The following UBAP2 variants were observed in gnomAD, a reference collection of about 807,000 sequenced individuals.
UBAP2 encodes ubiquitin associated protein 2.
Under a neutral mutation model 139.6 loss-of-function variants are expected in UBAP2, and 75 were observed. That is an observed-to-expected ratio of 0.54 (90% CI 0.45 to 0.65). The LOEUF (loss-of-function observed/expected upper bound fraction) is 0.65. UBAP2 is among the 30% of genes least tolerant of loss of function. The pLI is 0.00. For synonymous variants in UBAP2, 526 were observed against 526.2 expected (o/e 1.00, Z 0.01); for missense variants, 1,368 against 1,369.6 (o/e 1.00, Z 0.02).
At chr9:33,986,685 T>C in intron 6 of UBAP2, 75 bp downstream of exon 6, 1 of 1,221,644 alleles carries the variant, frequency 8.2e-7, no homozygotes, top group East Asian at 2.3e-5. Flanking sequence ...CCATCCCTAG[T>C]CACAGTCCAG....
In UBAP2 at chr9:33,963,803, T is replaced by C; in HGVS notation, c.680-12A>G. The C allele has an allele frequency of 2.5e-6, 4 of 1,604,208 alleles. No homozygotes were observed. Among genetic ancestry groups the C allele is most frequent in the Non-Finnish European group, 2.6e-6 (3 of 1,171,406 alleles). On this transcript the variant is annotated splice_polypyrimidine_tract_variant and intron_variant, in intron 8 of 28. Transcript: ENST00000379238. ...ATTTGATGCCAGTTCTGTGGACCAATGTAAAATTGAGGGTTTAAACATATG... is the reference window on the plus strand; with the variant it reads ...ATTTGATGCCAGTTCTGTGGACCAACGTAAAATTGAGGGTTTAAACATATG...
chr9:34,024,028 A>G (rs1163832485), intron 1 of UBAP2, among the ~76,000 whole-genome samples: 1 of 147,012 alleles, frequency 6.8e-6, no homozygotes, highest in East Asian at 2.0e-4. Flanking sequence ...CGGGTGACAG[A>G]GCAAGACTCT....
At position 33,943,472 on chromosome 9, in the gene UBAP2, T is replaced by C. The variant is rs373590717; in HGVS notation, c.1663A>G (p.Ser555Gly). 8.7e-5 allele frequency: 141 copies of C among 1,614,242 alleles called. No homozygotes were observed. The African/African-American group carries it at 1.7e-3, about 20-fold the overall frequency. Residue 555 changes from serine to glycine, a missense_variant, in exon 15 of 29, where the codon AGC (serine) becomes GGC (glycine). By Grantham distance (56) the Ser-to-Gly change is moderately conservative. Transcript: ENST00000379238. ...PSLSEFGSAP[S>G]SENSNQIPIS... ...GGAATCTGATTACTATTTTCACTGC[T>C]TGGAGCTGATCCAAATTCAGAGAGA...
chr9:33,935,585 A>G, intron 17 of UBAP2: 1 of 529,272 alleles, frequency 1.9e-6, no homozygotes, highest in Non-Finnish European at 3.3e-6. Context: ...TTTAAAATGC[A>G]TACTGTATGC....
At chr9:34,011,199 T>C (rs1424761314) in intron 2 of UBAP2, among the ~76,000 whole-genome samples, 4 of 152,186 alleles carry the variant, frequency 2.6e-5, no homozygotes, top group East Asian at 1.9e-4. Flanking sequence ...CTGGGGCTTA[T>C]ATATGTTTCT....
chr9:34,021,659 A>G (rs148809531), intron 1 of UBAP2, among the ~76,000 whole-genome samples: 2,335 of 139,546 alleles, frequency 0.017, 51 homozygotes, highest in African/African-American at 0.06. Context: ...TTTGAGACGG[A>G]GGCTCGCTCC....
Position 33,927,794 on chromosome 9 carries a change from T to C in UBAP2, c.2371+3A>G. 6.2e-7 allele frequency: 1 copy of C among 1,606,896 alleles called. No homozygotes were observed. Among genetic ancestry groups the C allele is most frequent in the Non-Finnish European group, 8.5e-7 (1 of 1,177,124 alleles). ...GGGCAGGAAAGGCCTCTGGAGCAAA[T>C]ACCTGAGGTCACCAAGGGCGCGGCC... On this transcript the variant is annotated splice_donor_region_variant and intron_variant, in intron 20 of 28. Coordinates refer to ENST00000379238, the MANE Select transcript of UBAP2 (RefSeq NM_001370062.2).
intron 16 of UBAP2, among the ~76,000 whole-genome samples, chr9:33,938,238 C>A (rs961955811): frequency 6.6e-6 from 1 of 152,062 alleles, no homozygotes; most frequent in Non-Finnish European, 1.5e-5. Context: ...AAGTGATCCA[C>A]CTGCCTCAGT....
chr9:33,928,859 A>C (rs1823717719), intron 19 of UBAP2: 1 of 152,386 alleles, frequency 6.6e-6, no homozygotes, highest in Admixed American at 6.5e-5. Context: ...AAGCCAAAGA[A>C]CGGGAAGGGC....
chr9:33,935,165 G>GC (rs1491201557), intron 17 of UBAP2, among the ~76,000 whole-genome samples: 4 of 34,946 alleles, frequency 1.1e-4, no homozygotes, highest in African/African-American at 1.8e-4. Flanking sequence ...GGAAGTGGCG[G>GC]GGGGGGGGGG....
chr9:33,982,251 A>AT (rs1360984607), intron 6 of UBAP2, among the ~76,000 whole-genome samples: 2 of 152,156 alleles, frequency 1.3e-5, no homozygotes, highest in Non-Finnish European at 2.9e-5. Flanking sequence ...TTCAACCCAA[A>AT]TCCTTTGCAA....
chr9:33,960,796 G>C (rs780567035), intron 10 of UBAP2, 30 bp downstream of exon 10: 9 of 1,428,132 alleles, frequency 6.3e-6, no homozygotes, highest in African/African-American at 5.8e-5. Context: ...AAAAAAAAAA[G>C]AAAGGTCTCA....
At chr9:33,975,326 G>A (rs939415049) in intron 6 of UBAP2, among the ~76,000 whole-genome samples, 18 of 151,852 alleles carry the variant, frequency 1.2e-4, no homozygotes, top group Non-Finnish European at 2.5e-4. Context: ...CAGCTACCTG[G>A]GAGGCTGAGG....
At chr9:33,948,697 CAT>C in intron 12 of UBAP2, 110 bp from the exon 13 acceptor site, 1 of 819,158 alleles carries the variant, frequency 1.2e-6, no homozygotes, top group Non-Finnish European at 1.9e-6. Flanking sequence ...TAATCTAAAA[CAT>C]ATGAATTACT....
rs769142062 is a variant in UBAP2, at chr9:33,932,632, G to A, written c.2109-4C>T. On this transcript the variant is annotated splice_region_variant and splice_polypyrimidine_tract_variant and intron_variant, in intron 18 of 28. Transcript: ENST00000379238. ...GCTCTGGTGGCTGGAGAGCGAACTAGAAGACAAAACAGAGCGCCGTATGTC... is the reference window on the plus strand; with the variant it reads ...GCTCTGGTGGCTGGAGAGCGAACTAAAAGACAAAACAGAGCGCCGTATGTC... 1.9e-6 allele frequency: 3 copies of A among 1,613,934 alleles called. No individual in the cohort carries two copies. Among genetic ancestry groups the A allele is most frequent in the Non-Finnish European group, 8.5e-7 (1 of 1,179,984 alleles).
At chr9:33,977,401 T>C (rs878862435) in intron 6 of UBAP2, among the ~76,000 whole-genome samples, 1 of 152,118 alleles carries the variant, frequency 6.6e-6, no homozygotes, top group African/African-American at 2.4e-5. Context: ...AGCAAGATAA[T>C]AGAATTATTG....
At chr9:33,997,507 C>T (rs1248659853) in intron 3 of UBAP2, 1 of 152,152 alleles carries the variant, frequency 6.6e-6, no homozygotes, top group African/African-American at 2.4e-5. Flanking sequence ...ATTTGGCCTC[C>T]CTGCTTTCAT....
At chr9:33,962,472 C>A (rs926192467) in intron 9 of UBAP2, among the ~76,000 whole-genome samples, 3 of 151,508 alleles carry the variant, frequency 2.0e-5, no homozygotes, top group Non-Finnish European at 4.4e-5. Context: ...ATGATGAAAC[C>A]CCGTCTCTAC....
At position 33,981,177 on chromosome 9, in the gene UBAP2, TA is replaced by T. The variant is rs1242854037; in HGVS notation, c.520+5582del. ...TATATATTCTGGATATATATATATA[TA>T]TTCTGGATATATATATATATATTCT... On this transcript the variant is annotated intron_variant, in intron 6 of 28. Transcript: ENST00000379238. Among the ~76,000 whole-genome samples the T allele has an allele frequency of 3.2e-4, 12 of 38,032 alleles. 4 individuals carry two copies. The highest frequency in any genetic ancestry group is 9.0e-4 in the Admixed American group (2 of 2,232). 25.0% of individuals were successfully genotyped at this position (38,032 alleles called of 152,430 possible). A position where few individuals can be genotyped will look rare whatever the true frequency, so the allele number is the denominator to read the frequency against.
Sources: gnomAD v4.1 joint callset for allele counts (sites outside exome capture counted in the v4.1 genomes callset) on GRCh38, gnomAD v4.1.1 for gene constraint, MANE v1.5 for transcripts, NCBI Gene and HGNC (gene_info 2026-07-23, HGNC 2026-07-21) for gene names.